Variants in ZNF398 observed in about 807,000 individuals in gnomAD.
ZNF398 encodes zinc finger protein 398, also known as zinc finger DNA binding protein ZER6.
In ZNF398, 18 loss-of-function variants were observed where a neutral mutation model predicts 41.9. That is an observed-to-expected ratio of 0.43 (90% CI 0.30 to 0.64). The LOEUF is 0.64. Among genes scored for constraint, ZNF398 ranks in the 30% least tolerant of loss-of-function variants. The pLI is 0.14. For missense variants in ZNF398, 669 were observed against 822.8 expected, an observed-to-expected ratio of 0.81 and a Z score of 2.29; for synonymous variants, 260 against 308.8, an observed-to-expected ratio of 0.84 and a Z score of 1.66.
Position 149,147,850 on chromosome 7 carries a change from G to T in ZNF398, c.24+84G>T, listed in dbSNP as rs1826993753. On this transcript the variant is annotated intron_variant, in intron 1 of 5. Transcript: ENST00000475153. This position sits in a 1 kb window ranked among gnomAD's most constrained non-coding sequence, Gnocchi z 5.6. ...AGGCGGGCGGGCAGGGAGCTGCCAG[G>T]CATAGGCGCCGTTCTCGGGTCCCGC... 1 of 1,298,972 alleles carries T rather than the reference G, an allele frequency of 7.7e-7. No individual in the cohort carries two copies. The highest frequency in any genetic ancestry group is 9.8e-7 in the Non-Finnish European group (1 of 1,016,022). The allele number at this position is 1,298,972 out of a possible 1,614,324, so 80.5% of individuals were successfully genotyped here.
At chr7:149,158,469 G>A (rs577921263) in intron 2 of ZNF398, among the ~76,000 whole-genome samples, 21 of 152,294 alleles carry the variant, frequency 1.4e-4, no homozygotes, top group African/African-American at 3.9e-4. Flanking sequence ...GTTTCTCATA[G>A]AGAACCTTCT....
upstream of ZNF398, among the ~76,000 whole-genome samples, chr7:149,143,251 C>G (rs1826864956): frequency 6.6e-6 from 1 of 152,174 alleles, no homozygotes; most frequent in Non-Finnish European, 1.5e-5. Flanking sequence ...TTACGTCCTT[C>G]TAAAGCTGAT....
chr7:149,151,130 G>C, intron 1 of ZNF398: 1 of 720,276 alleles, frequency 1.4e-6, no homozygotes, highest in Non-Finnish European at 1.8e-6. Flanking sequence ...GAGGGCACAA[G>C]TCAGTGTTGA....
intron 2 of ZNF398, among the ~76,000 whole-genome samples, chr7:149,142,174 T>C (rs1031941732): frequency 6.6e-6 from 1 of 152,134 alleles, no homozygotes; most frequent in African/African-American, 2.4e-5. Context: ...TCGGTTGAGA[T>C]TTCCCCAAGA....
intron 4 of ZNF398, among the ~76,000 whole-genome samples, chr7:149,175,271 A>G (rs973237810): frequency 3.3e-5 from 5 of 152,084 alleles, no homozygotes; most frequent in South Asian, 4.1e-4. Context: ...AGAAATAACT[A>G]TAGAGAGCTT....
chr7:149,166,088 A>C (rs1408290425), intron 2 of ZNF398, 70 bp from the exon 3 acceptor site: 6 of 1,496,624 alleles, frequency 4.0e-6, no homozygotes, highest in Non-Finnish European at 4.5e-6. Context: ...AAAAGGAACT[A>C]ATTGGAAAGA....
At chr7:149,146,454 G>C (rs1826945096), upstream of ZNF398, among the ~76,000 whole-genome samples, 2 of 152,286 alleles carry the variant, frequency 1.3e-5, no homozygotes, top group South Asian at 4.1e-4. Flanking sequence ...GCAGGCTGAG[G>C]GGAAGGATCG....
intron 4 of ZNF398, among the ~76,000 whole-genome samples, chr7:149,169,422 C>T (rs1300723958): frequency 1.3e-5 from 2 of 152,102 alleles, no homozygotes; most frequent in African/African-American, 4.8e-5. Flanking sequence ...GTCAGCTTCA[C>T]AATTTCTTTC....
chr7:149,127,971 G>T (rs1320250169), intron 1 of ZNF398, among the ~76,000 whole-genome samples: 1 of 152,116 alleles, frequency 6.6e-6, no homozygotes, highest in Non-Finnish European at 1.5e-5. Flanking sequence ...TTTAGAAATG[G>T]TATATAAATG....
chr7:149,166,890 A>G lies in ZNF398; in HGVS notation c.621A>G (p.Ala207=), dbSNP rs1750735705. 6.2e-7 allele frequency: 1 copy of G among 1,613,082 alleles called. No homozygotes were observed. The highest frequency in any genetic ancestry group is 8.5e-7 in the Non-Finnish European group (1 of 1,179,280). ...PEGEHNTEDQ[A]GPEESEIPTD... Reference sequence around the variant, plus strand: ...GGGAACATAATACAGAGGACCAGGCAGGGCCAGAGGAAAGTGAGATTCCCA... The same window carrying G: ...GGGAACATAATACAGAGGACCAGGCGGGGCCAGAGGAAAGTGAGATTCCCA... The change falls in exon 4 of 6, where the codon GCA becomes GCG. Residue 207 remains alanine (A), a synonymous_variant. Transcript: ENST00000475153.
At position 149,147,995 on chromosome 7, in the gene ZNF398, T is replaced by G. The variant is rs1827000895; in HGVS notation, c.24+229T>G. ...GCTGGGCCGCAGGTCTGAGGGGCACTCGCAGGCAGCTATGAGACCCGGGGC... is the reference window on the plus strand; with the variant it reads ...GCTGGGCCGCAGGTCTGAGGGGCACGCGCAGGCAGCTATGAGACCCGGGGC... On this transcript the variant is annotated intron_variant, in intron 1 of 5. Transcript: ENST00000475153. This position sits in a 1 kb window ranked among gnomAD's most constrained non-coding sequence, Gnocchi z 5.6. 1 of 414,798 alleles carries G rather than the reference T, an allele frequency of 2.4e-6. No individual in the cohort carries two copies. The highest frequency in any genetic ancestry group is 4.1e-6 in the Non-Finnish European group (1 of 243,412). 25.7% of individuals were successfully genotyped at this position (414,798 alleles called of 1,614,324 possible). A position where few individuals can be genotyped will look rare whatever the true frequency, so the allele number is the denominator to read the frequency against.
chr7:149,173,926 T>G (rs568868336), intron 4 of ZNF398, among the ~76,000 whole-genome samples: 58 of 151,676 alleles, frequency 3.8e-4, no homozygotes, highest in African/African-American at 1.4e-3. Context: ...CCTGGGCAGC[T>G]AGGAAATACA....
At chr7:149,164,539 G>A (rs1270842439) in intron 2 of ZNF398, among the ~76,000 whole-genome samples, 1 of 152,072 alleles carries the variant, frequency 6.6e-6, no homozygotes, top group Non-Finnish European at 1.5e-5. Flanking sequence ...AGCTAGAAAG[G>A]GAAAGGAAAA....
chr7:149,158,640 G>C (rs1795033819), intron 2 of ZNF398, among the ~76,000 whole-genome samples: 1 of 151,996 alleles, frequency 6.6e-6, no homozygotes, highest in African/African-American at 2.4e-5. Context: ...TTGGAGACCA[G>C]CCTGACCAAC....
intron 4 of ZNF398, among the ~76,000 whole-genome samples, chr7:149,171,988 A>G (rs990778871): frequency 6.6e-6 from 1 of 152,128 alleles, no homozygotes; most frequent in African/African-American, 2.4e-5. Context: ...TTTTGACCAA[A>G]ACACCATTAT....
At chr7:149,175,965 C>G (rs916210765) in intron 4 of ZNF398, among the ~76,000 whole-genome samples, 4 of 152,050 alleles carry the variant, frequency 2.6e-5, no homozygotes, top group Admixed American at 1.3e-4. Flanking sequence ...GGCTTACACG[C>G]GTGAGTTACC....
At position 149,178,683 on chromosome 7, in the gene ZNF398, A is replaced by G. The variant is rs1563167464; in HGVS notation, c.811A>G (p.Arg271Gly). ...TGTCATCAAAGCTGAAGGCCTTGCT[A>G]GATCCTCGTTGTGCCCTGAGGTTCC... ...ELVIKAEGLA[R>G]SSLCPEVPVP... Residue 271 changes from arginine to glycine, a missense_variant, in exon 6 of 6, where the codon AGA becomes GGA. Transcript: ENST00000475153. 1 of 1,614,106 alleles carries G rather than the reference A, an allele frequency of 6.2e-7. No individual in the cohort carries two copies.
chr7:149,174,528 A>G (rs1795422180), intron 4 of ZNF398, among the ~76,000 whole-genome samples: 1 of 152,174 alleles, frequency 6.6e-6, no homozygotes, highest in Non-Finnish European at 1.5e-5. Flanking sequence ...AAGTGTTTTA[A>G]AAGTCAGGTT....
chr7:149,147,722 C>T lies in ZNF398; in HGVS notation c.-21C>T, dbSNP rs1826987215. On this transcript the variant is annotated 5_prime_UTR_variant, in exon 1 of 6. Transcript: ENST00000475153. This position sits in a 1 kb window ranked among gnomAD's most constrained non-coding sequence, Gnocchi z 5.6. The stretch of plus-strand genomic sequence containing the variant: ...GGCAGCGGCGGCGACTTCCGAGGCC[C>T]GGGCTAGACAGCGCAGGGCCATGGC... The T allele has an allele frequency of 3.8e-6, 5 of 1,303,390 alleles. No homozygotes were observed. Among genetic ancestry groups the T allele is most frequent in the East Asian group, 3.1e-5 (1 of 32,070 alleles). 80.7% of individuals were successfully genotyped at this position (1,303,390 alleles called of 1,614,324 possible). A position where few individuals can be genotyped will look rare whatever the true frequency, so the allele number is the denominator to read the frequency against.
Sources: allele counts gnomAD v4.1 joint callset (sites outside exome capture counted in the v4.1 genomes callset), GRCh38; gene constraint gnomAD v4.1.1; non-coding constraint Gnocchi (gnomAD v3.1); transcripts MANE v1.5; gene names NCBI Gene and HGNC (gene_info 2026-07-23, HGNC 2026-07-21).